Variants in YBX2 observed in about 807,000 individuals in gnomAD.
YBX2 encodes Y-box-binding protein 2.
In YBX2, 5 loss-of-function variants were observed where a neutral mutation model predicts 44.4. The observed-to-expected ratio is 0.11, with a 90% CI of 0.06 to 0.24. The LOEUF (loss-of-function observed/expected upper bound fraction) is 0.24, where lower values mean the gene tolerates loss of function less well. Ranked by LOEUF, YBX2 falls within the 10% of genes least tolerant of loss-of-function variation. The probability of loss-of-function intolerance (pLI) is 1.00; values close to 1 mark genes in which losing one functional copy is unlikely to be tolerated. For missense variants in YBX2, 417 were observed against 526.9 expected (o/e 0.79, Z 2.04); for synonymous variants, 188 against 216.1 (o/e 0.87, Z 1.14).
chr17:7,290,711 A>G, intron 4 of YBX2, 176 bp from the exon 5 acceptor site: 1 of 770,978 alleles, frequency 1.3e-6, no homozygotes. Flanking sequence ...TTTGGGAAGG[A>G]GCAACATGTC....
Position 7,289,578 on chromosome 17 carries a change from G to A in YBX2, c.996C>T (p.Ala332=), listed in dbSNP as rs762600085. ...GGCCAGGGGCCTGCTGGGGGCCAGG[G>A]GCCTGCTGCCGTCTCCGCTGGAAGT... The part of the protein sequence containing the change: ...RPYFQRRRQQ[A]PGPQQAPGPR... Residue 332 remains alanine, a synonymous_variant, in exon 7 of 9, where the codon GCC becomes GCT. Coordinates refer to ENST00000007699, the MANE Select transcript of YBX2 (RefSeq NM_015982.4). The A allele has an allele frequency of 1.2e-6, 2 of 1,612,172 alleles. No individual in the cohort carries two copies. Among genetic ancestry groups the A allele is most frequent in the South Asian group, 1.1e-5 (1 of 90,948 alleles).
At chr17:7,290,740 C>T (rs1437393553) in intron 4 of YBX2, among the ~76,000 whole-genome samples, 1 of 152,222 alleles carries the variant, frequency 6.6e-6, no homozygotes, top group Admixed American at 6.5e-5. Flanking sequence ...ATAATTGCTA[C>T]TGCACCCTCC....
intron 2 of YBX2, chr17:7,292,451 A>T (rs1192975891): frequency 3.9e-6 from 1 of 256,468 alleles, no homozygotes; most frequent in African/African-American, 2.2e-5. Flanking sequence ...AGGGTTGGAA[A>T]ATTCCAGTCT....
chr17:7,294,587 G>T lies in YBX2; in HGVS notation c.-87C>A. 4.0e-6 allele frequency: 5 copies of T among 1,236,992 alleles called. No individual in the cohort carries two copies. Among genetic ancestry groups the T allele is most frequent in the South Asian group, 2.7e-5 (1 of 37,284 alleles). 76.6% of individuals were successfully genotyped at this position (1,236,992 alleles called of 1,614,324 possible). ...ACCCACCGCCCTGCTCGGTCCTCGC[G>T]CCCCGAGCCTCGCCCACACGCCGGC... On this transcript the variant is annotated 5_prime_UTR_variant, in exon 1 of 9. Transcript: ENST00000007699. The surrounding 1 kb of genome is among the most constrained non-coding windows in gnomAD (Gnocchi z 4.6).
rs2072472357 is a variant in YBX2, at chr17:7,288,608, G to A, written c.*75C>T. On this transcript the variant is annotated 3_prime_UTR_variant, in exon 9 of 9. Transcript: ENST00000007699. The stretch of plus-strand genomic sequence containing the variant: ...TGGGAAAGGGGGAGCAGGGTACTGG[G>A]TAGGGTACAGGTCATTTGGAAAAAC... 4.6e-6 allele frequency: 3 copies of A among 656,424 alleles called. No individual in the cohort carries two copies. The highest frequency in any genetic ancestry group is 8.1e-6 in the Non-Finnish European group (3 of 369,646). 40.7% of individuals were successfully genotyped at this position (656,424 alleles called of 1,614,324 possible). A position where few individuals can be genotyped will look rare whatever the true frequency, so the allele number is the denominator to read the frequency against.
intron 2 of YBX2, 70 bp downstream of exon 2, chr17:7,293,405 G>C (rs1439140746): frequency 1.2e-6 from 2 of 1,608,804 alleles, no homozygotes; most frequent in East Asian, 2.2e-5. Flanking sequence ...ATGAGGTTGG[G>C]CGGGTGTCCA....
In YBX2 at chr17:7,294,551, C is replaced by A. The variant is rs1291430699; in HGVS notation, c.-51G>T. 34 of 1,400,900 alleles carry A rather than the reference C, an allele frequency of 2.4e-5. No homozygotes were observed. Among genetic ancestry groups the A allele is most frequent in the Non-Finnish European group, 3.0e-5 (32 of 1,075,678 alleles). 86.8% of individuals were successfully genotyped at this position (1,400,900 alleles called of 1,614,324 possible). A position where few individuals can be genotyped will look rare whatever the true frequency, so the allele number is the denominator to read the frequency against. On this transcript the variant is annotated 5_prime_UTR_variant, in exon 1 of 9. Transcript: ENST00000007699. The surrounding 1 kb of genome is among the most constrained non-coding windows in gnomAD (Gnocchi z 4.6). The stretch of plus-strand genomic sequence containing the variant: ...GCCGCCACCGCCCCGGCCCCTCCCC[C>A]CGGCTCGCGAACCCACCGCCCTGCT...
At chr17:7,293,831 G>C in intron 1 of YBX2, 1 of 569,930 alleles carries the variant, frequency 1.8e-6, no homozygotes, top group Non-Finnish European at 3.1e-6. Flanking sequence ...TACTCACCTG[G>C]TCTGCAAAGT....
chr17:7,293,768 C>CT (rs2072518469), intron 1 of YBX2: 3 of 795,290 alleles, frequency 3.8e-6, no homozygotes, highest in South Asian at 1.8e-5. Flanking sequence ...CCTTCCAACT[C>CT]TAAGTCACGT....
intron 7 of YBX2, 138 bp downstream of exon 7, chr17:7,289,392 G>A: frequency 1.7e-5 from 23 of 1,333,106 alleles, no homozygotes; most frequent in Non-Finnish European, 2.3e-5. Context: ...GACCCAGCAG[G>A]CTGCATGGAA....
At position 7,288,596 on chromosome 17, in the gene YBX2, G is replaced by C; in HGVS notation, c.*87C>G. On this transcript the variant is annotated 3_prime_UTR_variant, in exon 9 of 9. Transcript: ENST00000007699. ...TGTCATGAATTATGGGAAAGGGGGA[G>C]CAGGGTACTGGGTAGGGTACAGGTC... is the stretch of plus-strand genomic sequence containing the variant. 1 of 598,174 alleles carries C rather than the reference G, an allele frequency of 1.7e-6. No individual in the cohort carries two copies. The highest frequency in any genetic ancestry group is 3.0e-6 in the Non-Finnish European group (1 of 333,412). 37.1% of individuals were successfully genotyped at this position (598,174 alleles called of 1,614,324 possible). A position where few individuals can be genotyped will look rare whatever the true frequency, so the allele number is the denominator to read the frequency against.
chr17:7,291,989 C>T lies in YBX2; in HGVS notation c.369+37G>A. On this transcript the variant is annotated intron_variant, in intron 3 of 8. Coordinates refer to ENST00000007699, the MANE Select transcript of YBX2 (RefSeq NM_015982.4). This position sits in a 1 kb window ranked among gnomAD's most constrained non-coding sequence, Gnocchi z 5.8. ...TTACAGCAAAGGCCTTCAAAGACGG[C>T]CGGTTCTTCCCCTCAGAAAGCTAAC... The T allele has an allele frequency of 6.2e-7, 1 of 1,613,842 alleles. No individual in the cohort carries two copies. Among genetic ancestry groups the T allele is most frequent in the Non-Finnish European group, 8.5e-7 (1 of 1,179,756 alleles).
chr17:7,288,746 C>A lies in YBX2; in HGVS notation c.*39+3G>T. On this transcript the variant is annotated splice_donor_region_variant and intron_variant, in intron 8 of 8. Transcript: ENST00000007699. The stretch of plus-strand genomic sequence containing the variant: ...CACCCACCCAACTGCACCAGCCACT[C>A]ACCAGATGGCAGCTCTGGGTGTCCT... 1 of 1,612,650 alleles carries A rather than the reference C, an allele frequency of 6.2e-7. No individual in the cohort carries two copies. Among genetic ancestry groups the A allele is most frequent in the Non-Finnish European group, 8.5e-7 (1 of 1,178,780 alleles).
chr17:7,293,903 A>C (rs769864809), intron 1 of YBX2: 68 of 512,636 alleles, frequency 1.3e-4, no homozygotes, highest in Non-Finnish European at 2.1e-4. Flanking sequence ...TCCCCAGTGC[A>C]CCTGCTTGCC....
intron 1 of YBX2, 140 bp from the exon 2 acceptor site, chr17:7,293,678 T>A: frequency 6.6e-7 from 1 of 1,507,132 alleles, no homozygotes; most frequent in Non-Finnish European, 8.9e-7. Context: ...GCCAACCAGG[T>A]TTCACTAGTA....
Position 7,293,527 on chromosome 17 carries a change from G to T in YBX2, c.283C>A (p.Leu95Met). ...ADKPVLAIQV[L>M]GTVKWFNVRN... ...ACGTTGAACCATTTGACAGTGCCCA[G>T]GACTTGGATTGCTGCCAGGCAGAGA... The change falls in exon 2 of 9, where the codon CTG (leucine) becomes ATG (methionine). Residue 95 changes from leucine to methionine, a missense_variant. Leu to Met is a conservative substitution (Grantham distance 15). Coordinates refer to ENST00000007699, the MANE Select transcript of YBX2 (RefSeq NM_015982.4). The T allele has an allele frequency of 6.2e-7, 1 of 1,614,126 alleles. No homozygotes were observed. The highest frequency in any genetic ancestry group is 8.5e-7 in the Non-Finnish European group (1 of 1,180,022).
intron 4 of YBX2, 148 bp from the exon 5 acceptor site, chr17:7,290,683 G>A (rs1264468529): frequency 4.1e-6 from 4 of 970,574 alleles, no homozygotes; most frequent in Non-Finnish European, 6.0e-6. Context: ...GAGAGGCAGT[G>A]GAATGTGCTT....
At position 7,294,218 on chromosome 17, in the gene YBX2, C is replaced by T; in HGVS notation, c.271+12G>A. The T allele has an allele frequency of 1.6e-6, 2 of 1,268,390 alleles. No homozygotes were observed. The highest frequency in any genetic ancestry group is 4.1e-5 in the Admixed American group (1 of 24,326). 78.6% of individuals were successfully genotyped at this position (1,268,390 alleles called of 1,614,324 possible). On this transcript the variant is annotated intron_variant, in intron 1 of 8. Transcript: ENST00000007699. The surrounding 1 kb of genome is among the most constrained non-coding windows in gnomAD (Gnocchi z 4.6). ...ACCCCTCAGAGCCGCCCTGTGCGCG[C>T]CTGCCCCTCACCCAGCACCGGCTTG...
chr17:7,289,382 G>C lies in YBX2; in HGVS notation c.1044+148C>G, dbSNP rs222839. The C allele has an allele frequency of 6.1e-3, 7,372 of 1,217,526 alleles. 382 individuals are homozygous for C. The African/African-American group carries it at 0.1, about 17-fold the overall frequency. 75.4% of individuals were successfully genotyped at this position (1,217,526 alleles called of 1,614,324 possible). On this transcript the variant is annotated intron_variant, in intron 7 of 8. Coordinates refer to ENST00000007699, the MANE Select transcript of YBX2 (RefSeq NM_015982.4). ...TGGGAGGCGGCACCTGCCAGGGGGG[G>C]ACCCAGCAGGCTGCATGGAAGAGGG...
Sources: allele counts gnomAD v4.1 joint callset (sites outside exome capture counted in the v4.1 genomes callset), GRCh38; gene constraint gnomAD v4.1.1; non-coding constraint Gnocchi (gnomAD v3.1); transcripts MANE v1.5; gene names NCBI Gene and HGNC (gene_info 2026-07-23, HGNC 2026-07-21).